ANKRD55: variants seen among roughly 807,000 people sequenced by gnomAD.
The protein encoded by ANKRD55 is ankyrin repeat domain-containing protein 55.
ANKRD55 carries 41 observed loss-of-function variants against 60.6 expected under a neutral mutation model. That is an observed-to-expected ratio of 0.68 (90% CI 0.53 to 0.88). The LOEUF (loss-of-function observed/expected upper bound fraction) is 0.88, where lower values mean the gene tolerates loss of function less well. Among genes scored for constraint, ANKRD55 ranks in the 40% least tolerant of loss-of-function variants. The pLI, the probability that ANKRD55 is intolerant of heterozygous loss-of-function variation, is 0.00. For missense variants in ANKRD55, 732 were observed against 767.6 expected, an observed-to-expected ratio of 0.95 and a Z score of 0.55; for synonymous variants, 264 against 290.3, an observed-to-expected ratio of 0.91 and a Z score of 0.92.
intron 2 of ANKRD55, among the ~76,000 whole-genome samples, chr5:56,231,653 GCACACACACACACACACA>G (rs34225686): frequency 8.8e-5 from 13 of 148,088 alleles, no homozygotes; most frequent in African/African-American, 2.0e-4. Context: ...CTGAAGGCGC[GCACACACACACACACACA>G]CACACACACA....
At position 56,101,849 on chromosome 5, in the gene ANKRD55, G is replaced by A. The variant is rs756461618; in HGVS notation, c.1723+645C>T. 5.1e-4 allele frequency among the ~76,000 whole-genome samples: 77 copies of A among 152,024 alleles called. 1 individual carries two copies. Among genetic ancestry groups the A allele is most frequent in the Non-Finnish European group, 1.0e-3 (68 of 68,004 alleles). On this transcript the variant is annotated intron_variant, in intron 11 of 11. Coordinates refer to ENST00000341048, the MANE Select transcript of ANKRD55 (RefSeq NM_024669.3). Reference sequence around the variant, plus strand: ...GGCGATGTACATTTCTATCTGTCCAGTATAGTAAGGAAACTGATATCAGGA... The same window carrying A: ...GGCGATGTACATTTCTATCTGTCCAATATAGTAAGGAAACTGATATCAGGA...
intron 2 of ANKRD55, among the ~76,000 whole-genome samples, chr5:56,209,530 G>T (rs1236500890): frequency 6.7e-6 from 1 of 148,910 alleles, no homozygotes; most frequent in Non-Finnish European, 1.5e-5. Context: ...GCAGTGGTGC[G>T]ATCTCGGCTC....
chr5:56,179,917 C>A (rs1392585720), intron 3 of ANKRD55, among the ~76,000 whole-genome samples: 1 of 152,118 alleles, frequency 6.6e-6, no homozygotes, highest in Non-Finnish European at 1.5e-5. Flanking sequence ...ATTAACCTAG[C>A]TAGTTTTGAT....
intron 2 of ANKRD55, among the ~76,000 whole-genome samples, chr5:56,222,794 GT>G (rs1760002194): frequency 6.6e-6 from 1 of 152,174 alleles, no homozygotes; most frequent in Admixed American, 6.5e-5. Context: ...CAGAAGAGAA[GT>G]TTAGAGAAAA....
At chr5:56,173,852 C>G (rs375375567) in intron 4 of ANKRD55, among the ~76,000 whole-genome samples, 91 of 152,024 alleles carry the variant, frequency 6.0e-4, no homozygotes, top group Admixed American at 1.6e-3. Flanking sequence ...GGCCTCAACT[C>G]TACATATTTT....
intron 2 of ANKRD55, among the ~76,000 whole-genome samples, chr5:56,224,492 CA>C (rs2111894364): frequency 6.6e-6 from 1 of 152,184 alleles, no homozygotes; most frequent in East Asian, 1.9e-4. Flanking sequence ...AAGATTAGAG[CA>C]GAACTGAAGG....
chr5:56,111,896 C>T (rs1756720674), intron 9 of ANKRD55, 114 bp from the exon 10 acceptor site: 1 of 1,005,992 alleles, frequency 9.9e-7, no homozygotes, highest in Non-Finnish European at 1.3e-6. Context: ...TGAGATCCTT[C>T]CTAGATACCT....
chr5:56,166,643 C>CG (rs1561278220), intron 5 of ANKRD55, among the ~76,000 whole-genome samples: 1 of 151,372 alleles, frequency 6.6e-6, no homozygotes, highest in East Asian at 1.9e-4. Context: ...AGAGAAAACA[C>CG]GGGCAGGAAA....
At chr5:56,121,423 G>A (rs371537733) in intron 8 of ANKRD55, among the ~76,000 whole-genome samples, 531 of 147,926 alleles carry the variant, frequency 3.6e-3, no homozygotes, top group African/African-American at 9.8e-3. Flanking sequence ...ACTAGGTTGG[G>A]GTGCAGTGGC....
intron 10 of ANKRD55, among the ~76,000 whole-genome samples, chr5:56,110,248 A>T (rs1756639860): frequency 6.6e-6 from 1 of 151,366 alleles, no homozygotes; most frequent in Non-Finnish European, 1.5e-5. Context: ...AAAAAAAAAA[A>T]AATAGCCAGA....
intron 2 of ANKRD55, chr5:56,192,719 C>A: frequency 7.3e-7 from 1 of 1,371,758 alleles, no homozygotes; most frequent in Non-Finnish European, 1.0e-6. Context: ...TGGACAGAAT[C>A]ATCTAGGAGG....
chr5:56,177,675 T>C (rs1243368042), intron 3 of ANKRD55, among the ~76,000 whole-genome samples: 2 of 152,010 alleles, frequency 1.3e-5, no homozygotes, highest in Non-Finnish European at 2.9e-5. Context: ...CTCAGGAGGC[T>C]GAGGCAGGAG....
intron 8 of ANKRD55, among the ~76,000 whole-genome samples, chr5:56,120,148 T>C (rs1258933915): frequency 6.6e-6 from 1 of 152,076 alleles, no homozygotes; most frequent in Non-Finnish European, 1.5e-5. Context: ...GCTATTCTCC[T>C]GCCTCAGCCT....
At chr5:56,227,762 C>T (rs160492) in intron 2 of ANKRD55, among the ~76,000 whole-genome samples, 54,097 of 151,752 alleles carry the variant, frequency 0.36, 10,702 homozygotes, top group East Asian at 0.84. Context: ...TAGGTCATAA[C>T]CTTTTTGAAT....
chr5:56,141,255 G>A (rs1412589831), intron 7 of ANKRD55, among the ~76,000 whole-genome samples: 1 of 147,550 alleles, frequency 6.8e-6, no homozygotes, highest in East Asian at 2.0e-4. Flanking sequence ...TATAGCCACA[G>A]CTCCCAGCCA....
intron 2 of ANKRD55, among the ~76,000 whole-genome samples, chr5:56,224,651 A>ATCACCACT (rs1358415892): frequency 6.6e-6 from 1 of 152,216 alleles, no homozygotes; most frequent in African/African-American, 2.4e-5. Context: ...TAAAGGGGAT[A>ATCACCACT]TCACCACTGA....
intron 4 of ANKRD55, among the ~76,000 whole-genome samples, chr5:56,173,574 CTCTCTCTCTATATATA>C (rs1322407638): frequency 7.1e-5 from 7 of 98,314 alleles, no homozygotes; most frequent in African/African-American, 3.2e-4. Context: ...CTCTCTCTCT[CTCTCTCTCTATATATA>C]TATATATATA....
intron 2 of ANKRD55, among the ~76,000 whole-genome samples, chr5:56,223,623 G>C (rs1214354422): frequency 6.6e-6 from 1 of 152,078 alleles, no homozygotes; most frequent in Non-Finnish European, 1.5e-5. Flanking sequence ...CACATGCAGA[G>C]ACACACATAG....
At chr5:56,181,890 C>T (rs575043996) in intron 3 of ANKRD55, among the ~76,000 whole-genome samples, 9 of 152,230 alleles carry the variant, frequency 5.9e-5, no homozygotes, top group East Asian at 5.8e-4. Flanking sequence ...CCACCGTGTC[C>T]GGCCTATTTC....
Sources: gnomAD v4.1 joint callset for allele counts (sites outside exome capture counted in the v4.1 genomes callset) on GRCh38, gnomAD v4.1.1 for gene constraint, MANE v1.5 for transcripts, NCBI Gene and HGNC (gene_info 2026-07-23, HGNC 2026-07-21) for gene names.